Variants in SNAP91 observed in about 807,000 individuals in gnomAD.
The protein encoded by SNAP91 is clathrin coat assembly protein AP180.
SNAP91 carries 27 observed loss-of-function variants against 100.3 expected under a neutral mutation model. The ratio of observed to expected loss-of-function variants is 0.27; its 90% CI spans 0.20 to 0.37. The LOEUF is 0.37. Among genes scored for constraint, SNAP91 ranks in the 10% least tolerant of loss-of-function variants. The probability of loss-of-function intolerance (pLI) is 1.00; values close to 1 mark genes in which losing one functional copy is unlikely to be tolerated. For missense variants in SNAP91, 986 were observed against 1,123.7 expected, an observed-to-expected ratio of 0.88 and a Z score of 1.75; for synonymous variants, 404 against 398.6, an observed-to-expected ratio of 1.01 and a Z score of -0.16.
intron 21 of SNAP91, among the ~76,000 whole-genome samples, chr6:83,591,541 A>T (rs1335518212): frequency 2.6e-5 from 4 of 151,898 alleles, no homozygotes; most frequent in African/African-American, 9.7e-5. Context: ...TTTTTTTTCT[A>T]AGAATAAAAT....
At chr6:83,580,690 A>G in intron 23 of SNAP91, 91 bp from the exon 24 acceptor site, 1 of 1,185,004 alleles carries the variant, frequency 8.4e-7, no homozygotes, top group Non-Finnish European at 1.2e-6. Context: ...GATACTATGG[A>G]AACAAGTGAA....
At chr6:83,657,539 G>A (rs1367465221) in intron 6 of SNAP91, among the ~76,000 whole-genome samples, 1 of 152,176 alleles carries the variant, frequency 6.6e-6, no homozygotes, top group African/African-American at 2.4e-5. Flanking sequence ...CATAAAATCT[G>A]TTAAAAAATA....
At chr6:83,666,339 T>C (rs1299907324) in intron 2 of SNAP91, among the ~76,000 whole-genome samples, 1 of 152,060 alleles carries the variant, frequency 6.6e-6, no homozygotes, top group East Asian at 1.9e-4. Context: ...AAAGATCATG[T>C]GCTAAGGAAC....
intron 8 of SNAP91, 56 bp from the exon 9 acceptor site, chr6:83,623,398 T>C: frequency 2.4e-6 from 3 of 1,271,474 alleles, no homozygotes; most frequent in Non-Finnish European, 3.4e-6. Flanking sequence ...TTTTTTTCAT[T>C]TAATGGAAGA....
intron 22 of SNAP91, among the ~76,000 whole-genome samples, chr6:83,589,245 A>C (rs1162596795): frequency 6.6e-6 from 1 of 152,184 alleles, no homozygotes; most frequent in Non-Finnish European, 1.5e-5. Flanking sequence ...CTGATATAAG[A>C]ATATCTAGGC....
chr6:83,702,568 T>C (rs2099327596), intron 2 of SNAP91, among the ~76,000 whole-genome samples: 1 of 152,314 alleles, frequency 6.6e-6, no homozygotes, highest in East Asian at 1.9e-4. Context: ...AATTAGGATA[T>C]GAATTTGCCT....
chr6:83,590,550 T>TA (rs60546667), intron 22 of SNAP91, among the ~76,000 whole-genome samples: 9,592 of 144,042 alleles, frequency 0.067, 541 homozygotes, highest in African/African-American at 0.16. Flanking sequence ...ATCAGCTTGT[T>TA]AAAAAAAAAA....
intron 8 of SNAP91, among the ~76,000 whole-genome samples, chr6:83,636,696 G>A (rs1440497062): frequency 2.6e-5 from 4 of 152,132 alleles, no homozygotes; most frequent in Non-Finnish European, 5.9e-5. Flanking sequence ...TCATTGCTAG[G>A]GAGCTAATGC....
intron 1 of SNAP91, 136 bp from the exon 2 acceptor site, chr6:83,708,093 G>C: frequency 4.1e-6 from 3 of 728,308 alleles, no homozygotes; most frequent in Non-Finnish European, 6.2e-6. Context: ...CTCGGAGCCA[G>C]CAACGCGCCA....
chr6:83,608,718 A>C (rs2095805787), intron 12 of SNAP91, among the ~76,000 whole-genome samples: 1 of 152,154 alleles, frequency 6.6e-6, no homozygotes, highest in Non-Finnish European at 1.5e-5. Context: ...AAAACTGAGG[A>C]GATCAGAAAT....
chr6:83,632,382 T>C (rs2097244986), intron 8 of SNAP91, among the ~76,000 whole-genome samples: 1 of 152,214 alleles, frequency 6.6e-6, no homozygotes, highest in African/African-American at 2.4e-5. Flanking sequence ...ATGTTCTTTT[T>C]GTGATGAATT....
chr6:83,626,447 G>A (rs2096932210), intron 8 of SNAP91, among the ~76,000 whole-genome samples: 1 of 152,084 alleles, frequency 6.6e-6, no homozygotes, highest in African/African-American at 2.4e-5. Context: ...ATTGCTTTGG[G>A]CAGTAGAGCC....
At chr6:83,665,880 A>T (rs1586488697) in intron 2 of SNAP91, among the ~76,000 whole-genome samples, 1 of 152,212 alleles carries the variant, frequency 6.6e-6, no homozygotes, top group Admixed American at 6.6e-5. Context: ...TATAAACTCC[A>T]GGAAGGCTAA....
chr6:83,645,202 C>T (rs1157765007), intron 7 of SNAP91, among the ~76,000 whole-genome samples: 1 of 151,928 alleles, frequency 6.6e-6, no homozygotes, highest in African/African-American at 2.4e-5. Context: ...GCAAATGGAC[C>T]TTTACCATAG....
chr6:83,560,111 C>T lies in SNAP91; in HGVS notation c.2624G>A (p.Gly875Asp). ...GACATTGAAGAAACTGACCTGCGTGCCAGGTACAGCGGCAGCTCCAAAGGG... is the reference window on the plus strand; with the variant it reads ...GACATTGAAGAAACTGACCTGCGTGTCAGGTACAGCGGCAGCTCCAAAGGG... ...RPPFGAAAVP[G>D]TQLSPSPTPA... is the part of the protein sequence containing the mutation. The change falls in exon 28 of 30, where the codon GGC (glycine) becomes GAC (aspartate). Residue 875 changes from glycine to aspartate, a missense_variant. Coordinates refer to ENST00000369694, the MANE Select transcript of SNAP91 (RefSeq NM_001242792.2). 1 of 1,613,142 alleles carries T rather than the reference C, an allele frequency of 6.2e-7. No homozygotes were observed. The highest frequency in any genetic ancestry group is 8.5e-7 in the Non-Finnish European group (1 of 1,179,254).
chr6:83,556,889 A>T (rs757038848), intron 28 of SNAP91, among the ~76,000 whole-genome samples: 3 of 152,174 alleles, frequency 2.0e-5, no homozygotes, highest in Non-Finnish European at 2.9e-5. Context: ...AAAATCAGTC[A>T]AGTTTGAGGG....
intron 2 of SNAP91, among the ~76,000 whole-genome samples, chr6:83,682,215 T>C (rs2098999916): frequency 6.6e-6 from 1 of 150,584 alleles, no homozygotes; most frequent in African/African-American, 2.4e-5. Flanking sequence ...TCTCGCTCTG[T>C]TGTGCAGGCT....
chr6:83,623,245 A>C, intron 9 of SNAP91, 56 bp downstream of exon 9: 1 of 1,371,446 alleles, frequency 7.3e-7, no homozygotes, highest in Non-Finnish European at 1.0e-6. Flanking sequence ...ATTTGTGGCA[A>C]TATATGTTGT....
intron 7 of SNAP91, among the ~76,000 whole-genome samples, chr6:83,644,914 C>T (rs1352977949): frequency 6.6e-6 from 1 of 152,118 alleles, no homozygotes; most frequent in Non-Finnish European, 1.5e-5. Flanking sequence ...CAAAATTTAT[C>T]AAATTAGGTG....
Sources: gnomAD v4.1 joint callset for allele counts (sites outside exome capture counted in the v4.1 genomes callset) on GRCh38, gnomAD v4.1.1 for gene constraint, MANE v1.5 for transcripts, NCBI Gene and HGNC (gene_info 2026-07-23, HGNC 2026-07-21) for gene names.